Variants in DBNDD1 observed in about 807,000 individuals in gnomAD.
DBNDD1 encodes the protein dysbindin domain-containing protein 1.
Under a neutral mutation model 17.0 loss-of-function variants are expected in DBNDD1, and 14 were observed. That is an observed-to-expected ratio of 0.82 (90% confidence interval 0.54 to 1.29). The LOEUF (loss-of-function observed/expected upper bound fraction) is 1.29, where lower values mean the gene tolerates loss of function less well. Ranked by LOEUF, DBNDD1 falls within the 50% of genes most tolerant of loss-of-function variation. The pLI is 0.00. For synonymous variants in DBNDD1, 105 were observed against 102.0 expected, an observed-to-expected ratio of 1.03 and a Z score of -0.18; for missense variants, 221 against 216.2, an observed-to-expected ratio of 1.02 and a Z score of -0.14.
intron 3 of DBNDD1, 26 bp downstream of exon 3, chr16:90,008,758 C>A (rs2035489737): frequency 1.3e-6 from 2 of 1,581,756 alleles, no homozygotes; most frequent in African/African-American, 2.7e-5. Flanking sequence ...GCACACCTCC[C>A]AGCCCAGCCC....
chr16:90,007,235 C>T (rs898338287), intron 3 of DBNDD1: 1 of 152,510 alleles, frequency 6.6e-6, no homozygotes, highest in Non-Finnish European at 1.5e-5. Context: ...ACACACAGGC[C>T]GACACCCCTT....
intron 1 of DBNDD1, among the ~76,000 whole-genome samples, chr16:90,013,338 A>C (rs958979758): frequency 1.1e-4 from 17 of 148,694 alleles, no homozygotes; most frequent in African/African-American, 4.2e-4. Flanking sequence ...TTATTGACTA[A>C]CTCCATTCTC....
chr16:90,009,144 G>C (rs1292256788), intron 2 of DBNDD1, 140 bp downstream of exon 2: 9 of 1,331,344 alleles, frequency 6.8e-6, no homozygotes, highest in Non-Finnish European at 9.1e-6. Flanking sequence ...CAGAGAACCA[G>C]AGCTGCAAGA....
rs140684758 is a variant in DBNDD1, at chr16:90,017,266, C to T, written c.31+2045G>A. The stretch of plus-strand genomic sequence containing the variant: ...ATCCCAGCACTTTGGGAGGCCGAGG[C>T]GGGTGGGTCATGAGGTCAGGAGATC... On this transcript the variant is annotated intron_variant, in intron 1 of 3. Coordinates refer to ENST00000002501, the MANE Select transcript of DBNDD1 (RefSeq NM_001042610.3). Among the ~76,000 whole-genome samples the T allele has an allele frequency of 8.0e-3, 1,213 of 152,300 alleles. 19 individuals are homozygous for T. Among genetic ancestry groups the T allele is most frequent in the African/African-American group, 0.028 (1,166 of 41,564 alleles).
At position 90,006,729 on chromosome 16, in the gene DBNDD1, C is replaced by T. The variant is rs8050429; in HGVS notation, c.320-237G>A. ...GGGCAGGGTCTTTTCTGGTGCTCCC[C>T]GGAGTCACTGTATAGTCTAGGCTGA... is the stretch of plus-strand genomic sequence containing the variant. On this transcript the variant is annotated intron_variant, in intron 3 of 3. Transcript: ENST00000002501. The T allele has an allele frequency of 2.2e-4, 125 of 571,526 alleles. 1 individual carries two copies. The highest frequency in any genetic ancestry group is 1.9e-3 in the African/African-American group (102 of 53,382). The allele number at this position is 571,526 out of a possible 1,614,324, so 35.4% of individuals were successfully genotyped here.
chr16:90,009,140 A>T, intron 2 of DBNDD1, 144 bp downstream of exon 2: 5 of 1,308,518 alleles, frequency 3.8e-6, no homozygotes, highest in South Asian at 1.4e-5. Context: ...GGCTCAGAGA[A>T]CCAGAGCTGC....
chr16:90,018,702 C>T lies in DBNDD1; in HGVS notation c.31+609G>A, dbSNP rs184391000. ...GGGCCTCCACCATCAGGGCAGGGAG[C>T]GCTCCACGCGCACCTACCCTCCCCG... is the stretch of plus-strand genomic sequence containing the variant. On this transcript the variant is annotated intron_variant, in intron 1 of 3. Transcript: ENST00000002501. 5.7e-3 allele frequency among the ~76,000 whole-genome samples: 867 copies of T among 152,336 alleles called. 13 individuals are homozygous for T. The South Asian group carries it at 0.059, about 10-fold the overall frequency.
intron 3 of DBNDD1, 126 bp from the exon 4 acceptor site, chr16:90,006,618 G>A (rs1293693576): frequency 2.4e-6 from 3 of 1,232,234 alleles, no homozygotes; most frequent in Non-Finnish European, 3.3e-6. Flanking sequence ...CCTGCACCAG[G>A]CATGCACACA....
chr16:90,009,087 A>C, intron 2 of DBNDD1, 163 bp from the exon 3 acceptor site: 1 of 1,197,350 alleles, frequency 8.4e-7, no homozygotes, highest in Non-Finnish European at 1.1e-6. Flanking sequence ...TGTTGCGTAT[A>C]CTCATGACTA....
At chr16:90,014,984 G>A (rs2039286702) in intron 1 of DBNDD1, among the ~76,000 whole-genome samples, 1 of 146,766 alleles carries the variant, frequency 6.8e-6, no homozygotes. Flanking sequence ...CAGCCTGGGC[G>A]ACAGAACGAG....
chr16:90,019,716 C>T (rs777410361), upstream of DBNDD1: 6 of 628,842 alleles, frequency 9.5e-6, no homozygotes, highest in East Asian at 9.6e-5. The surrounding 1 kb of genome is among the most constrained non-coding windows in gnomAD (Gnocchi z 6.1). Flanking sequence ...TCCGGGGCTC[C>T]TGCGCACTCA....
rs753125780 is a variant in DBNDD1 at position 90,006,330 on chromosome 16, A to G, written c.*5T>C. ...CCTGCAGGAGCTGGGGCAGGTGGAG[A>G]TGGTCTAGTCCTCCTGGGGCCTCTC... On this transcript the variant is annotated 3_prime_UTR_variant, in exon 4 of 4. Transcript: ENST00000002501. 3 of 1,600,840 alleles carry G rather than the reference A, an allele frequency of 1.9e-6. No individual in the cohort carries two copies. The highest frequency in any genetic ancestry group is 1.7e-6 in the Non-Finnish European group (2 of 1,173,892).
rs761095207 is a variant in DBNDD1, at chr16:90,006,416, C to T, written c.396G>A (p.Glu132=). The change falls in exon 4 of 4, where the codon GAG becomes GAA. Residue 132 remains glutamate, a synonymous_variant. Coordinates refer to ENST00000002501, the MANE Select transcript of DBNDD1 (RefSeq NM_001042610.3). ...WTRTRAEQSH[E]KQPLGDPERQ... is the part of the protein sequence containing the mutation. The stretch of plus-strand genomic sequence containing the variant: ...GCTCGGGGTCGCCTAGGGGCTGCTT[C>T]TCGTGGCTCTGCTCAGCCCTTGTCC... 62 of 1,604,586 alleles carry T rather than the reference C, an allele frequency of 3.9e-5. No individual in the cohort carries two copies. The African/African-American group carries it at 7.1e-4, about 18-fold the overall frequency.
intron 1 of DBNDD1, 148 bp from the exon 2 acceptor site, chr16:90,009,578 C>A (rs2035512080): frequency 6.4e-6 from 8 of 1,254,596 alleles, no homozygotes; most frequent in African/African-American, 1.5e-5. Context: ...GGGCTTGTGG[C>A]CTCATGCCTG....
chr16:90,019,541 GC>G (rs955389183), upstream of DBNDD1: 17 of 155,108 alleles, frequency 1.1e-4, no homozygotes, highest in Admixed American at 8.0e-4. The surrounding 1 kb of genome is among the most constrained non-coding windows in gnomAD (Gnocchi z 6.1). Context: ...CCCTCCCGGC[GC>G]CCCCCCAGCC....
intron 1 of DBNDD1, among the ~76,000 whole-genome samples, chr16:90,010,706 G>A (rs1248451069): frequency 4.6e-5 from 7 of 152,228 alleles, no homozygotes; most frequent in Non-Finnish European, 1.0e-4. Flanking sequence ...ACCCAAAGCC[G>A]GGGACATTGG....
At chr16:90,014,502 G>T (rs2035607349) in intron 1 of DBNDD1, among the ~76,000 whole-genome samples, 1 of 152,108 alleles carries the variant, frequency 6.6e-6, no homozygotes, top group African/African-American at 2.4e-5. Context: ...CTCTGCTTGT[G>T]CTGAGATGGA....
intron 1 of DBNDD1, among the ~76,000 whole-genome samples, chr16:90,014,812 C>G (rs895807634): frequency 2.4e-4 from 36 of 152,088 alleles, no homozygotes; most frequent in African/African-American, 8.0e-4. Context: ...CGAGACCAGT[C>G]TGGGCCAACA....
At chr16:90,014,135 A>ATTT (rs1368309535) in intron 1 of DBNDD1, among the ~76,000 whole-genome samples, 1 of 150,098 alleles carries the variant, frequency 6.7e-6, no homozygotes. Flanking sequence ...TATTATTATT[A>ATTT]TTTTTTTTTT....
Sources: gnomAD v4.1 joint callset for allele counts (sites outside exome capture counted in the v4.1 genomes callset) on GRCh38, gnomAD v4.1.1 for gene constraint, Gnocchi (gnomAD v3.1) non-coding constraint, MANE v1.5 for transcripts, NCBI Gene and HGNC (gene_info 2026-07-23, HGNC 2026-07-21) for gene names.